MATCAP2: variants seen among roughly 807,000 people sequenced by gnomAD.
The protein encoded by MATCAP2 is putative tyrosine carboxypeptidase MATCAP2.
the MATCAP2 span, among the ~76,000 whole-genome samples, chr7:36,382,970 G>A: frequency 6.6e-6 from 1 of 152,178 alleles, no homozygotes; most frequent in Non-Finnish European, 1.5e-5. Context: ...GGAGATTAAA[G>A]TTGTATGCAT....
the MATCAP2 span, among the ~76,000 whole-genome samples, chr7:36,346,573 C>G: frequency 6.6e-6 from 1 of 152,138 alleles, no homozygotes; most frequent in Non-Finnish European, 1.5e-5. Flanking sequence ...AAGTCCAGAA[C>G]AGGCAAATCC....
At chr7:36,379,847 C>CACAGAGAGAGAGAGAGAG in the MATCAP2 span, among the ~76,000 whole-genome samples, 9 of 107,696 alleles carry the variant, frequency 8.4e-5, no homozygotes, top group South Asian at 2.3e-3. Context: ...CACACACACA[C>CACAGAGAGAGAGAGAGAG]AGAGAGAGAG....
chr7:36,334,234 T>A, the MATCAP2 span: 2 of 1,343,116 alleles, frequency 1.5e-6, no homozygotes, highest in Non-Finnish European at 2.1e-6. Flanking sequence ...AAAGTTAGAT[T>A]CCATCAACAA....
chr7:36,361,758 C>G, the MATCAP2 span, among the ~76,000 whole-genome samples: 4 of 152,058 alleles, frequency 2.6e-5, no homozygotes. Flanking sequence ...CAAACAAAAA[C>G]ACCTCAAACA....
At chr7:36,335,485 CAGA>C in the MATCAP2 span, among the ~76,000 whole-genome samples, 2 of 152,166 alleles carry the variant, frequency 1.3e-5, no homozygotes, top group African/African-American at 2.4e-5. Context: ...TAAACTGATG[CAGA>C]AGAAGATACA....
the MATCAP2 span, among the ~76,000 whole-genome samples, chr7:36,330,071 T>TTTA: frequency 0.12 from 2,428 of 20,070 alleles, 37 homozygotes; most frequent in Non-Finnish European, 0.18. Flanking sequence ...TTTTATTTTA[T>TTTA]TTTATTTATT....
chr7:36,361,467 T>A, the MATCAP2 span, among the ~76,000 whole-genome samples: 1 of 152,300 alleles, frequency 6.6e-6, no homozygotes, highest in African/African-American at 2.4e-5. Context: ...TTACGAAACC[T>A]GAGAATCTGG....
the MATCAP2 span, among the ~76,000 whole-genome samples, chr7:36,334,662 A>T: frequency 1.3e-5 from 2 of 152,182 alleles, no homozygotes; most frequent in Non-Finnish European, 2.9e-5. Flanking sequence ...CACTGCCTTC[A>T]AAAGGATCAC....
chr7:36,364,083 T>A, the MATCAP2 span, among the ~76,000 whole-genome samples: 4 of 79,964 alleles, frequency 5.0e-5, no homozygotes, highest in South Asian at 3.0e-4. Context: ...AAGTAGAATC[T>A]TCTTCTTCTT....
At chr7:36,361,663 G>A in the MATCAP2 span, among the ~76,000 whole-genome samples, 1 of 152,190 alleles carries the variant, frequency 6.6e-6, no homozygotes, top group Admixed American at 6.5e-5. Flanking sequence ...AGCTGAGGCT[G>A]GAAGACTACT....
At chr7:36,354,412 A>G in the MATCAP2 span, among the ~76,000 whole-genome samples, 7 of 152,346 alleles carry the variant, frequency 4.6e-5, no homozygotes, top group East Asian at 1.4e-3. Context: ...GAGGACCACA[A>G]TCATCCTCCA....
the MATCAP2 span, chr7:36,367,111 C>G: frequency 8.1e-7 from 1 of 1,235,752 alleles, no homozygotes; most frequent in Non-Finnish European, 1.0e-6. Context: ...GAAGACGTAC[C>G]GACACTGACT....
chr7:36,330,942 C>A, the MATCAP2 span: 1 of 1,142,712 alleles, frequency 8.8e-7, no homozygotes, highest in Non-Finnish European at 1.3e-6. Context: ...GAATGCTGAT[C>A]TGGGGTGTTC....
chr7:36,356,497 G>C, the MATCAP2 span: 3 of 276,292 alleles, frequency 1.1e-5, no homozygotes, highest in Non-Finnish European at 2.1e-5. Flanking sequence ...CCTGGGCAAA[G>C]AGCAAGAATC....
chr7:36,390,146 G>T, the MATCAP2 span: 24 of 1,587,872 alleles, frequency 1.5e-5, no homozygotes, highest in Admixed American at 4.1e-4. Flanking sequence ...GGCGGAGGGC[G>T]CGTGTGTGCG....
chr7:36,350,487 T>G, the MATCAP2 span, among the ~76,000 whole-genome samples: 3 of 151,384 alleles, frequency 2.0e-5, no homozygotes, highest in East Asian at 5.8e-4. Context: ...AAGGGGAAAA[T>G]GTGGCCCACA....
the MATCAP2 span, among the ~76,000 whole-genome samples, chr7:36,358,111 T>C: frequency 6.6e-6 from 1 of 151,836 alleles, no homozygotes; most frequent in African/African-American, 2.4e-5. Context: ...GGCATGAGAA[T>C]TGCCTGAATC....
At chr7:36,343,999 T>A in the MATCAP2 span, among the ~76,000 whole-genome samples, 1 of 152,130 alleles carries the variant, frequency 6.6e-6, no homozygotes, top group South Asian at 2.1e-4. Flanking sequence ...GACAGCAATA[T>A]ATACCTAAAA....
At chr7:36,350,302 A>G in the MATCAP2 span, among the ~76,000 whole-genome samples, 7 of 152,330 alleles carry the variant, frequency 4.6e-5, no homozygotes, top group Non-Finnish European at 8.8e-5. Context: ...TGTACCTATT[A>G]TGTGTTTTAA....
Sources: allele counts gnomAD v4.1 joint callset (sites outside exome capture counted in the v4.1 genomes callset), GRCh38; gene constraint gnomAD v4.1.1; transcripts MANE v1.5; gene names NCBI Gene and HGNC (gene_info 2026-07-23, HGNC 2026-07-21).